Variants in MAST4 observed in about 807,000 individuals in gnomAD.
MAST4 encodes the protein microtubule associated serine/threonine kinase family member 4.
Under a neutral mutation model 162.7 loss-of-function variants are expected in MAST4, and 89 were observed. The ratio of observed to expected loss-of-function variants is 0.55; its 90% CI spans 0.46 to 0.65. MAST4 has a LOEUF of 0.65. Ranked by LOEUF, MAST4 falls within the 30% of genes least tolerant of loss-of-function variation. MAST4 has a pLI of 0.00. For missense variants in MAST4, 3,153 were observed against 3,374.0 expected (o/e 0.93, Z 1.62); for synonymous variants, 1,479 against 1,361.1 (o/e 1.09, Z -1.91).
At chr5:66,665,559 TCACTCTGGTGATCACCTAACCCC>T (rs1166143584) in intron 1 of MAST4, among the ~76,000 whole-genome samples, 1 of 152,238 alleles carries the variant, frequency 6.6e-6, no homozygotes, top group Non-Finnish European at 1.5e-5. Flanking sequence ...TCTCATGCCC[TCACTCTGGTGATCACCTAACCCC>T]CAACCCCGAC....
At chr5:66,847,820 CAAAAAAAAAAAAAAA>C (rs777825639) in intron 3 of MAST4, among the ~76,000 whole-genome samples, 1 of 54,146 alleles carries the variant, frequency 1.8e-5, no homozygotes, top group East Asian at 6.8e-4. Flanking sequence ...GACTCCTTCT[CAAAAAAAAAAAAAAA>C]AAAAAAAAGA....
Position 67,167,766 on chromosome 5 carries a change from A to T in MAST4, c.*715A>T, listed in dbSNP as rs1269101598. On this transcript the variant is annotated 3_prime_UTR_variant, in exon 29 of 29. Transcript: ENST00000403625. ...CTCCTCCATTAGGAATGGCCAGGAC[A>T]AGTGGAGCTAGCCATTTTCATTACA... 6.6e-6 allele frequency: 1 copy of T among 152,262 alleles called. No homozygotes were observed. The highest frequency in any genetic ancestry group is 1.5e-5 in the Non-Finnish European group (1 of 68,054). The allele number at this position is 152,262 out of a possible 1,614,324, so 9.4% of individuals were successfully genotyped here.
intron 5 of MAST4, among the ~76,000 whole-genome samples, chr5:67,072,831 A>G (rs1761138908): frequency 6.6e-6 from 1 of 152,078 alleles, no homozygotes; most frequent in South Asian, 2.1e-4. Flanking sequence ...AGAAAATATC[A>G]TGCTTTGAAA....
intron 6 of MAST4, chr5:67,094,127 T>G (rs1319303588): frequency 4.2e-6 from 6 of 1,435,030 alleles, no homozygotes; most frequent in Non-Finnish European, 5.7e-6. Flanking sequence ...TTAACATACT[T>G]GATTCATTTG....
chr5:66,780,334 C>T (rs146564227), intron 2 of MAST4, among the ~76,000 whole-genome samples: 1 of 151,970 alleles, frequency 6.6e-6, no homozygotes, highest in South Asian at 2.1e-4. Flanking sequence ...GAATTGGTTC[C>T]TTCTGGTGGG....
intron 16 of MAST4, among the ~76,000 whole-genome samples, chr5:67,133,210 T>A (rs1469186367): frequency 6.6e-6 from 1 of 151,980 alleles, no homozygotes; most frequent in Non-Finnish European, 1.5e-5. Flanking sequence ...TGGAAAGGGA[T>A]CAGAGTTTCA....
chr5:66,818,858 C>A (rs1756858931), intron 3 of MAST4, among the ~76,000 whole-genome samples: 1 of 152,164 alleles, frequency 6.6e-6, no homozygotes, highest in Non-Finnish European at 1.5e-5. Context: ...ATTTTCATGA[C>A]CTTGGGCTCT....
At chr5:67,077,493 G>A (rs1017225525) in intron 5 of MAST4, among the ~76,000 whole-genome samples, 2 of 152,194 alleles carry the variant, frequency 1.3e-5, no homozygotes, top group Non-Finnish European at 2.9e-5. Context: ...ATCACCTGGA[G>A]TACTGCCCTA....
At chr5:66,880,257 C>T (rs1761603479) in intron 3 of MAST4, among the ~76,000 whole-genome samples, 1 of 152,192 alleles carries the variant, frequency 6.6e-6, no homozygotes, top group Non-Finnish European at 1.5e-5. Context: ...TCAGATATTA[C>T]ATATTTGCTC....
intron 1 of MAST4, among the ~76,000 whole-genome samples, chr5:66,621,011 T>G (rs1217137736): frequency 6.8e-6 from 1 of 146,244 alleles, no homozygotes; most frequent in South Asian, 2.1e-4. Flanking sequence ...AAATAGATTG[T>G]TTTTTTTTTC....
At chr5:66,787,782 T>A (rs555823836) in intron 2 of MAST4, among the ~76,000 whole-genome samples, 1 of 152,330 alleles carries the variant, frequency 6.6e-6, no homozygotes, top group African/African-American at 2.4e-5. Context: ...TGTGTACATG[T>A]CCTTTCATCA....
At chr5:66,627,714 T>C (rs1426088938) in intron 1 of MAST4, among the ~76,000 whole-genome samples, 7 of 145,724 alleles carry the variant, frequency 4.8e-5, no homozygotes, top group Non-Finnish European at 1.1e-4. Context: ...AAAACTAGAG[T>C]TTATCTGTTA....
At chr5:66,666,640 T>C (rs749009702) in intron 1 of MAST4, among the ~76,000 whole-genome samples, 23 of 152,208 alleles carry the variant, frequency 1.5e-4, no homozygotes, top group Non-Finnish European at 2.2e-4. Context: ...GAAACCACTT[T>C]GGTGTCTCTT....
intron 3 of MAST4, chr5:66,792,340 C>T (rs1283480760): frequency 6.0e-6 from 1 of 167,892 alleles, no homozygotes; most frequent in African/African-American, 2.4e-5. Flanking sequence ...CCGACTCCGC[C>T]TGACATGTAT....
In MAST4 at chr5:67,162,742, CCGGTCTCCA is replaced by C. The variant is rs1561195159; in HGVS notation, c.3922_3930del (p.Arg1308_Pro1310del). The C allele has an allele frequency of 3.1e-6, 5 of 1,613,702 alleles. No individual in the cohort carries two copies. The Admixed American group carries it at 8.3e-5, about 27-fold the overall frequency. ...GTTCCCCCACTCATAGCTTGTCTCC[CCGGTCTCCA>C]ACACCAAGCTACCGCTCCACCCCTG... On this transcript the variant is annotated inframe_deletion, in exon 28 of 29. Coordinates refer to ENST00000403625, the MANE Select transcript of MAST4 (RefSeq NM_001164664.2).
At chr5:66,846,542 T>A (rs1034823248) in intron 3 of MAST4, among the ~76,000 whole-genome samples, 5 of 152,218 alleles carry the variant, frequency 3.3e-5, no homozygotes, top group African/African-American at 1.2e-4. Context: ...TTTGTTGCTA[T>A]AGATTAATGA....
intron 1 of MAST4, among the ~76,000 whole-genome samples, chr5:66,654,695 C>T (rs1464959881): frequency 6.6e-6 from 1 of 152,110 alleles, no homozygotes; most frequent in Admixed American, 6.5e-5. Flanking sequence ...AATAACTTTT[C>T]ATTTTATTGG....
intron 15 of MAST4, 57 bp from the exon 16 acceptor site, chr5:67,131,756 G>T: frequency 1.3e-6 from 2 of 1,579,048 alleles, no homozygotes; most frequent in South Asian, 1.1e-5. Context: ...AGTCTAAACT[G>T]ATTTTCTACA....
At chr5:66,602,937 GA>G (rs1156683644) in intron 1 of MAST4, among the ~76,000 whole-genome samples, 1 of 152,130 alleles carries the variant, frequency 6.6e-6, no homozygotes, top group African/African-American at 2.4e-5. Context: ...TCATTATAAG[GA>G]TTAATGAGAT....
Sources: allele counts gnomAD v4.1 joint callset (sites outside exome capture counted in the v4.1 genomes callset), GRCh38; gene constraint gnomAD v4.1.1; transcripts MANE v1.5; gene names NCBI Gene and HGNC (gene_info 2026-07-23, HGNC 2026-07-21).